Variants in RNF111 observed in about 807,000 individuals in gnomAD.
RNF111 encodes E3 ubiquitin-protein ligase Arkadia.
A neutral mutation model predicts 95.1 loss-of-function variants in RNF111; 17 were observed. The ratio of observed to expected loss-of-function variants is 0.18; its 90% CI spans 0.12 to 0.27. RNF111 has a LOEUF of 0.27. RNF111 is among the 10% of genes least tolerant of loss of function. RNF111 has a pLI of 1.00. For synonymous variants in RNF111, 440 were observed against 414.8 expected, an observed-to-expected ratio of 1.06 and a Z score of -0.74; for missense variants, 1,189 against 1,210.4, an observed-to-expected ratio of 0.98 and a Z score of 0.26.
intron 6 of RNF111, among the ~76,000 whole-genome samples, chr15:59,070,991 T>C (rs1306340578): frequency 6.6e-6 from 1 of 152,162 alleles, no homozygotes; most frequent in Non-Finnish European, 1.5e-5. Flanking sequence ...AAGCAGTAGG[T>C]TTGTATTCAA....
At chr15:58,991,047 G>C (rs1185232084) in intron 1 of RNF111, among the ~76,000 whole-genome samples, 1 of 152,058 alleles carries the variant, frequency 6.6e-6, no homozygotes, top group Non-Finnish European at 1.5e-5. Flanking sequence ...TGTAATCCCA[G>C]CACTTTGGGA....
chr15:59,028,501 T>C (rs1364542270), intron 1 of RNF111, among the ~76,000 whole-genome samples: 1 of 152,198 alleles, frequency 6.6e-6, no homozygotes, highest in Non-Finnish European at 1.5e-5. Flanking sequence ...ATAAAACTTA[T>C]GTGAATGTGG....
intron 1 of RNF111, among the ~76,000 whole-genome samples, chr15:59,011,406 C>T (rs2039804730): frequency 6.6e-6 from 1 of 152,152 alleles, no homozygotes; most frequent in Admixed American, 6.5e-5. Flanking sequence ...ATACTTGGGG[C>T]ATTCTAGCAC....
At chr15:59,085,050 G>T (rs2078858159) in intron 9 of RNF111, among the ~76,000 whole-genome samples, 1 of 152,160 alleles carries the variant, frequency 6.6e-6, no homozygotes, top group South Asian at 2.1e-4. Flanking sequence ...TAGATAGGTG[G>T]AAGCAGATTT....
At chr15:58,991,401 GCA>G (rs560232825) in intron 1 of RNF111, among the ~76,000 whole-genome samples, 29 of 152,298 alleles carry the variant, frequency 1.9e-4, no homozygotes, top group African/African-American at 6.7e-4. Flanking sequence ...CATGTTCTAG[GCA>G]CAGTCACTGG....
At chr15:59,050,490 T>G (rs914183545) in intron 2 of RNF111, 1 of 152,212 alleles carries the variant, frequency 6.6e-6, no homozygotes, top group African/African-American at 2.4e-5. Flanking sequence ...TTTTAAAAAG[T>G]AGACTTACCC....
intron 11 of RNF111, among the ~76,000 whole-genome samples, 158 bp from the exon 12 acceptor site, chr15:59,090,901 T>A (rs1038210493): frequency 6.6e-6 from 1 of 152,190 alleles, no homozygotes; most frequent in Admixed American, 6.5e-5. Flanking sequence ...TATATACTTA[T>A]ATATAAGTAA....
rs1596140102 is a variant in RNF111, at chr15:59,031,318, T to C, written c.496T>C (p.Ser166Pro). The C allele has an allele frequency of 2.5e-6, 4 of 1,614,150 alleles. No individual in the cohort carries two copies. The highest frequency in any genetic ancestry group is 3.4e-6 in the Non-Finnish European group (4 of 1,179,996). ...GGATAAAGAAGTCTCTGTAAGACAT[T>C]CCCAGACCATTTTGAATGCTAAAAG... The part of the protein sequence containing the change: ...DEDKEVSVRH[S>P]QTILNAKSRS... The change falls in exon 2 of 14, where the codon TCC becomes CCC. Residue 166 changes from serine (S) to proline (P), a missense_variant. Ser to Pro is a moderately conservative substitution (Grantham distance 74). This residue lies in a region of RNF111 where 1,024 missense variants were observed against 925.9 expected (regional missense o/e 1.11). Transcript: ENST00000348370.
chr15:59,058,287 C>T (rs1236737219), intron 4 of RNF111, 69 bp from the exon 5 acceptor site: 4 of 1,240,280 alleles, frequency 3.2e-6, no homozygotes, highest in Non-Finnish European at 3.5e-6. Context: ...AACACATTAG[C>T]TTACATTAAA....
chr15:58,996,839 G>A (rs955732819), intron 1 of RNF111, among the ~76,000 whole-genome samples: 2 of 151,512 alleles, frequency 1.3e-5, no homozygotes, highest in South Asian at 2.1e-4. Flanking sequence ...ATCTGTACAC[G>A]GTTTTAAAAG....
At chr15:59,029,069 C>T (rs1271252967) in intron 1 of RNF111, among the ~76,000 whole-genome samples, 3 of 152,108 alleles carry the variant, frequency 2.0e-5, no homozygotes, top group South Asian at 2.1e-4. Context: ...CATGAGCCAC[C>T]GCGCCCAGCT....
chr15:59,076,745 G>A (rs1294387733), intron 7 of RNF111, among the ~76,000 whole-genome samples: 8 of 152,100 alleles, frequency 5.3e-5, no homozygotes, highest in Admixed American at 1.3e-4. Context: ...ATTGAAATTC[G>A]TTAGATATCA....
At chr15:59,007,321 A>C (rs2039587028) in intron 1 of RNF111, among the ~76,000 whole-genome samples, 1 of 151,958 alleles carries the variant, frequency 6.6e-6, no homozygotes, top group Non-Finnish European at 1.5e-5. Flanking sequence ...ATTTCAAATA[A>C]ATAGAAGCAT....
At chr15:59,092,486 T>C (rs1439192394) in intron 12 of RNF111, 51 bp from the exon 13 acceptor site, 5 of 1,561,336 alleles carry the variant, frequency 3.2e-6, no homozygotes, top group Non-Finnish European at 4.3e-6. Flanking sequence ...TACTCAGTTG[T>C]TCAATAATGT....
At position 59,092,669 on chromosome 15, in the gene RNF111, A is replaced by G. The variant is rs1455181582; in HGVS notation, c.2843+29A>G. On this transcript the variant is annotated intron_variant, in intron 13 of 13. Transcript: ENST00000348370. ...ACTAGATATTAATTATCTAAAATCCATTGTCAAAACTGTACATGGGATTTT... is the reference window on the plus strand; with the variant it reads ...ACTAGATATTAATTATCTAAAATCCGTTGTCAAAACTGTACATGGGATTTT... 1.9e-6 allele frequency: 3 copies of G among 1,579,904 alleles called. No homozygotes were observed. In the South Asian group the frequency reaches 3.4e-5, roughly 18 times the overall value.
At chr15:59,051,653 C>CAGCT (rs1566912319) in intron 2 of RNF111, among the ~76,000 whole-genome samples, 1 of 149,744 alleles carries the variant, frequency 6.7e-6, no homozygotes, top group Admixed American at 6.7e-5. Context: ...CCTGTAGTCC[C>CAGCT]AGCTACTTGA....
At chr15:59,058,301 T>C (rs989511489) in intron 4 of RNF111, 55 bp from the exon 5 acceptor site, 64 of 1,380,314 alleles carry the variant, frequency 4.6e-5, no homozygotes, top group Non-Finnish European at 5.9e-5. Flanking sequence ...CATTAAAATA[T>C]AACCCTTTAT....
intron 1 of RNF111, among the ~76,000 whole-genome samples, chr15:59,020,658 A>G (rs771874289): frequency 1.3e-5 from 2 of 152,222 alleles, no homozygotes; most frequent in African/African-American, 2.4e-5. Flanking sequence ...TGAGAAAATC[A>G]TTAAGTTCAC....
chr15:59,038,627 T>A (rs1400638796), intron 2 of RNF111, among the ~76,000 whole-genome samples: 1 of 152,174 alleles, frequency 6.6e-6, no homozygotes. Context: ...TTCTAACCCC[T>A]CTTTTTTTTC....
Sources: allele counts gnomAD v4.1 joint callset (sites outside exome capture counted in the v4.1 genomes callset), GRCh38; gene constraint gnomAD v4.1.1; regional missense constraint gnomAD v4.1.1; transcripts MANE v1.5; gene names NCBI Gene and HGNC (gene_info 2026-07-23, HGNC 2026-07-21).